The following NEBL variants were observed in gnomAD, a reference collection of about 807,000 sequenced individuals.
The protein encoded by NEBL is LIM and SH3 protein 2.
Under a neutral mutation model 140.2 loss-of-function variants are expected in NEBL, and 122 were observed. That is an observed-to-expected ratio of 0.87 (90% confidence interval 0.75 to 1.01). The LOEUF (loss-of-function observed/expected upper bound fraction) is 1.01, where lower values mean the gene tolerates loss of function less well. NEBL is among the 50% of genes least tolerant of loss of function. NEBL has a pLI of 0.00. For missense variants in NEBL, 1,365 were observed against 1,231.3 expected, an observed-to-expected ratio of 1.11 and a Z score of -1.62; for synonymous variants, 436 against 398.9, an observed-to-expected ratio of 1.09 and a Z score of -1.11.
Position 20,817,671 on chromosome 10 carries a change from G to A in NEBL, c.2077C>T (p.Gln693Ter), listed in dbSNP as rs771093730. The A allele has an allele frequency of 6.2e-7, 1 of 1,613,394 alleles. No homozygotes were observed. Among genetic ancestry groups the A allele is most frequent in the East Asian group, 2.2e-5 (1 of 44,854 alleles). The change falls in exon 21 of 28, where the codon CAA becomes TAA. Residue 693 changes from glutamine (Q) to a stop codon, truncating the protein, a stop_gained. Transcript: ENST00000377122. LOFTEE classifies it high-confidence loss of function. ...GGATCAGAAATTGCAGTTCCCCGTT[G>A]AAGTTCTCCCTTATATTTTACCTAA... ...LSAVKYKGEL[Q>*]RGTAISDPPE... is the part of the protein sequence containing the mutation.
At chr10:21,071,561 A>T (rs1835818503) in intron 2 of NEBL, among the ~76,000 whole-genome samples, 1 of 152,160 alleles carries the variant, frequency 6.6e-6, no homozygotes, top group South Asian at 2.1e-4. Context: ...GGACACTTTT[A>T]AAAATATTAA....
intron 3 of NEBL, among the ~76,000 whole-genome samples, chr10:21,240,092 AT>A (rs1481750911): frequency 6.6e-6 from 1 of 152,126 alleles, no homozygotes; most frequent in Non-Finnish European, 1.5e-5. Flanking sequence ...GCAAAACAGA[AT>A]TTTGTAAACT....
At chr10:20,915,631 A>G (rs1053621445) in intron 4 of NEBL, among the ~76,000 whole-genome samples, 8 of 151,954 alleles carry the variant, frequency 5.3e-5, no homozygotes, top group African/African-American at 1.7e-4. Flanking sequence ...TATATGTGCC[A>G]CATTTTCTTA....
intron 2 of NEBL, among the ~76,000 whole-genome samples, chr10:21,097,320 A>G (rs976923132): frequency 4.0e-5 from 6 of 151,762 alleles, no homozygotes; most frequent in Admixed American, 6.6e-5. Context: ...TTAGCCAGGT[A>G]TGGTGGCGGG....
At chr10:21,171,076 C>T (rs1841049668) in intron 2 of NEBL, among the ~76,000 whole-genome samples, 2 of 152,096 alleles carry the variant, frequency 1.3e-5, no homozygotes, top group Admixed American at 6.5e-5. Flanking sequence ...TGGCTCACGC[C>T]GGTAATTCCA....
Position 20,780,482 on chromosome 10 carries a change from C to T in NEBL, c.*5265G>A, listed in dbSNP as rs1474745832. The T allele has an allele frequency of 6.6e-6, 1 of 152,048 alleles. No homozygotes were observed. Among genetic ancestry groups the T allele is most frequent in the African/African-American group, 2.4e-5 (1 of 41,380 alleles). 9.4% of individuals were successfully genotyped at this position (152,048 alleles called of 1,614,324 possible). A position where few individuals can be genotyped will look rare whatever the true frequency, so the allele number is the denominator to read the frequency against. On this transcript the variant is annotated 3_prime_UTR_variant, in exon 28 of 28. Coordinates refer to ENST00000377122, the MANE Select transcript of NEBL (RefSeq NM_006393.3). ...GAGGAAAATATCTTGACTGATTCACCAATGTAAATGCACTGAAGGCAGCAC... is the reference window on the plus strand; with the variant it reads ...GAGGAAAATATCTTGACTGATTCACTAATGTAAATGCACTGAAGGCAGCAC...
intron 3 of NEBL, among the ~76,000 whole-genome samples, chr10:21,229,875 G>C (rs1480601103): frequency 6.6e-6 from 1 of 152,214 alleles, no homozygotes; most frequent in Non-Finnish European, 1.5e-5. Context: ...GTGGGAGCCT[G>C]ACATTATCAG....
At chr10:21,261,493 C>A (rs779265034) in intron 1 of NEBL, among the ~76,000 whole-genome samples, 4 of 151,914 alleles carry the variant, frequency 2.6e-5, no homozygotes, top group Non-Finnish European at 5.9e-5. Context: ...GGCACTATCC[C>A]TACAAACAAT....
intron 2 of NEBL, among the ~76,000 whole-genome samples, chr10:21,022,142 C>A (rs919423284): frequency 1.3e-5 from 2 of 152,138 alleles, no homozygotes; most frequent in African/African-American, 4.8e-5. Flanking sequence ...TGAGGAGACA[C>A]CTTTAGCTGC....
chr10:21,182,036 C>G (rs533801499), intron 3 of NEBL, among the ~76,000 whole-genome samples: 1 of 152,192 alleles, frequency 6.6e-6, no homozygotes, highest in South Asian at 2.1e-4. Flanking sequence ...ATGGCCTAAC[C>G]GATCCAGAAT....
intron 4 of NEBL, among the ~76,000 whole-genome samples, chr10:20,882,129 G>A (rs1349859867): frequency 2.0e-5 from 3 of 151,778 alleles, no homozygotes; most frequent in East Asian, 3.9e-4. Context: ...AGTGAGCCAC[G>A]GCATTCTATC....
intron 16 of NEBL, 175 bp downstream of exon 16, chr10:20,831,020 CT>C (rs1840359737): frequency 1.7e-6 from 1 of 585,600 alleles, no homozygotes; most frequent in South Asian, 1.8e-5. Context: ...GAATCTATGA[CT>C]GTTGTCCTAT....
At chr10:21,125,757 C>G (rs1564519900) in intron 2 of NEBL, 7 of 1,247,550 alleles carry the variant, frequency 5.6e-6, no homozygotes, top group Non-Finnish European at 6.9e-6. Context: ...CGGATGGAAA[C>G]AGAACTCAGG....
chr10:21,253,095 C>A (rs911935092), intron 1 of NEBL, among the ~76,000 whole-genome samples: 8 of 152,148 alleles, frequency 5.3e-5, no homozygotes, highest in Non-Finnish European at 1.0e-4. Flanking sequence ...AACCCCATCT[C>A]TACTAAAAAT....
intron 3 of NEBL, among the ~76,000 whole-genome samples, chr10:21,003,195 C>T (rs535778404): frequency 3.9e-5 from 6 of 152,080 alleles, no homozygotes; most frequent in Non-Finnish European, 8.8e-5. Context: ...CAGTGTTTCC[C>T]TATCCTAATT....
intron 2 of NEBL, among the ~76,000 whole-genome samples, chr10:21,151,913 T>G (rs1227980274): frequency 6.6e-6 from 1 of 152,204 alleles, no homozygotes; most frequent in Non-Finnish European, 1.5e-5. Flanking sequence ...TTGTTTGGTT[T>G]TGGGTTTTGT....
chr10:20,784,236 G>A lies in NEBL; in HGVS notation c.*1511C>T, dbSNP rs1033816399. ...TCAGACCCTAAGTGAATGCCACCCC[G>A]TTGCAGGTCACAGTAAACGGCACAA... On this transcript the variant is annotated 3_prime_UTR_variant, in exon 28 of 28. Coordinates refer to ENST00000377122, the MANE Select transcript of NEBL (RefSeq NM_006393.3). 5 of 152,106 alleles carry A rather than the reference G, an allele frequency of 3.3e-5. No homozygotes were observed. The highest frequency in any genetic ancestry group is 5.9e-5 in the Non-Finnish European group (4 of 68,028). 9.4% of individuals were successfully genotyped at this position (152,106 alleles called of 1,614,324 possible). A position where few individuals can be genotyped will look rare whatever the true frequency, so the allele number is the denominator to read the frequency against.
At chr10:21,227,378 G>A (rs1842166212) in intron 3 of NEBL, among the ~76,000 whole-genome samples, 1 of 152,178 alleles carries the variant, frequency 6.6e-6, no homozygotes, top group Admixed American at 6.5e-5. Flanking sequence ...ATATAAATAA[G>A]TAATGTTAAA....
intron 2 of NEBL, among the ~76,000 whole-genome samples, chr10:21,065,583 A>T (rs182346193): frequency 6.6e-6 from 1 of 152,334 alleles, no homozygotes. Flanking sequence ...GCTAAAACAC[A>T]TTAATGTCTT....
Sources: allele counts gnomAD v4.1 joint callset (sites outside exome capture counted in the v4.1 genomes callset), GRCh38; gene constraint gnomAD v4.1.1; transcripts MANE v1.5; gene names NCBI Gene and HGNC (gene_info 2026-07-23, HGNC 2026-07-21).